The following NEGR1 variants were observed in gnomAD, a reference collection of about 807,000 sequenced individuals.
NEGR1 encodes IgLON family member 4.
Under a neutral mutation model 40.9 loss-of-function variants are expected in NEGR1, and 10 were observed. The observed-to-expected ratio is 0.24, with a 90% confidence interval of 0.15 to 0.42. NEGR1 has a LOEUF of 0.42. Among genes scored for constraint, NEGR1 ranks in the 10% least tolerant of loss-of-function variants. NEGR1 has a pLI of 1.00. For synonymous variants in NEGR1, 185 were observed against 166.8 expected (o/e 1.11, Z -0.84); for missense variants, 352 against 438.9 (o/e 0.80, Z 1.77).
At chr1:72,255,573 G>T (rs1655244198) in intron 1 of NEGR1, among the ~76,000 whole-genome samples, 1 of 135,320 alleles carries the variant, frequency 7.4e-6, no homozygotes. Context: ...TTTTGAGATG[G>T]AGTCTTGCTC....
chr1:71,703,614 C>A (rs868187539), intron 3 of NEGR1, among the ~76,000 whole-genome samples: 7 of 150,988 alleles, frequency 4.6e-5, no homozygotes, highest in African/African-American at 1.7e-4. Flanking sequence ...AATGACACAA[C>A]GTTATTTACA....
At chr1:72,114,427 A>G (rs1268118345) in intron 1 of NEGR1, among the ~76,000 whole-genome samples, 5 of 151,746 alleles carry the variant, frequency 3.3e-5, no homozygotes, top group African/African-American at 1.2e-4. Context: ...ATTCCTTAAA[A>G]TAAATCGTTA....
chr1:71,501,469 C>T (rs1646999126), intron 6 of NEGR1, among the ~76,000 whole-genome samples: 1 of 151,982 alleles, frequency 6.6e-6, no homozygotes, highest in African/African-American at 2.4e-5. Context: ...TTGATTTGTC[C>T]TGAATTGGGA....
At chr1:71,570,640 G>T in intron 6 of NEGR1, among the ~76,000 whole-genome samples, 1 of 103,206 alleles carries the variant, frequency 9.7e-6, no homozygotes, top group African/African-American at 3.5e-5. Context: ...GTTTATACTG[G>T]GTCCTTATTA....
intron 1 of NEGR1, among the ~76,000 whole-genome samples, chr1:72,005,558 A>T (rs775588158): frequency 6.6e-6 from 1 of 152,186 alleles, no homozygotes; most frequent in Non-Finnish European, 1.5e-5. Context: ...ATTTGTATTT[A>T]TTTGACATTT....
chr1:72,152,987 A>T (rs1570048259), intron 1 of NEGR1, among the ~76,000 whole-genome samples: 1 of 151,968 alleles, frequency 6.6e-6, no homozygotes, highest in African/African-American at 2.4e-5. Context: ...ACTGAGAGAA[A>T]GGGAGGTGTG....
chr1:71,770,204 G>A (rs1207931604), intron 3 of NEGR1, among the ~76,000 whole-genome samples: 4 of 152,138 alleles, frequency 2.6e-5, no homozygotes, highest in South Asian at 2.1e-4. Flanking sequence ...AGATCTATGA[G>A]CCTACTTGTA....
At position 71,930,685 on chromosome 1, in the gene NEGR1, T is replaced by C. The variant is rs1645847327; in HGVS notation, c.409+4394A>G. On this transcript the variant is annotated intron_variant, in intron 2 of 6. Transcript: ENST00000357731. ...AGATATGGATCTGATGTTGTCATACTTTAGGATCTTTGTGAAACGAATTCA... is the reference window on the plus strand; with the variant it reads ...AGATATGGATCTGATGTTGTCATACCTTAGGATCTTTGTGAAACGAATTCA... Among the ~76,000 whole-genome samples the C allele has an allele frequency of 2.6e-5, 4 of 152,212 alleles. 1 individual carries two copies. Among genetic ancestry groups the C allele is most frequent in the Admixed American group, 2.6e-4 (4 of 15,270 alleles).
intron 1 of NEGR1, among the ~76,000 whole-genome samples, chr1:72,263,690 G>A (rs1239752303): frequency 6.6e-6 from 1 of 151,394 alleles, no homozygotes; most frequent in African/African-American, 2.4e-5. Flanking sequence ...TTGAATAGTT[G>A]CTGTTCTAAC....
intron 1 of NEGR1, among the ~76,000 whole-genome samples, chr1:72,185,832 C>A (rs1315500572): frequency 6.6e-6 from 1 of 151,542 alleles, no homozygotes; most frequent in African/African-American, 2.4e-5. Context: ...TGTCCCGCAC[C>A]CAATGCAAAT....
At chr1:72,243,201 T>G in intron 1 of NEGR1, among the ~76,000 whole-genome samples, 1 of 151,712 alleles carries the variant, frequency 6.6e-6, no homozygotes, top group East Asian at 1.9e-4. Context: ...TTGTACACCA[T>G]GAAGGTACAC....
chr1:72,080,686 A>G (rs1647957527), intron 1 of NEGR1, among the ~76,000 whole-genome samples: 1 of 152,122 alleles, frequency 6.6e-6, no homozygotes, highest in Non-Finnish European at 1.5e-5. Flanking sequence ...TATACGAGCT[A>G]TGGGCTGCAA....
At chr1:71,953,917 A>T (rs1213587989) in intron 1 of NEGR1, among the ~76,000 whole-genome samples, 1 of 152,038 alleles carries the variant, frequency 6.6e-6, no homozygotes, top group African/African-American at 2.4e-5. Context: ...TAAAAAAAAT[A>T]ATGTGACTTA....
chr1:71,561,944 T>TTA (rs1648473805), intron 6 of NEGR1, among the ~76,000 whole-genome samples: 2 of 150,782 alleles, frequency 1.3e-5, no homozygotes, highest in Non-Finnish European at 3.0e-5. Context: ...TTTTTTTTTT[T>TTA]AAAGAACTTA....
intron 1 of NEGR1, among the ~76,000 whole-genome samples, chr1:72,258,521 G>A (rs961184038): frequency 1.3e-5 from 2 of 151,932 alleles, no homozygotes; most frequent in African/African-American, 2.4e-5. Flanking sequence ...AGACAAAGAA[G>A]AAAAGAAGAA....
chr1:72,084,626 CATG>C (rs1648139508), intron 1 of NEGR1, among the ~76,000 whole-genome samples: 1 of 152,036 alleles, frequency 6.6e-6, no homozygotes. Flanking sequence ...CTGCCTGGAA[CATG>C]ATATTTGCTT....
chr1:72,250,274 C>A (rs1256694689), intron 1 of NEGR1, among the ~76,000 whole-genome samples: 1 of 152,092 alleles, frequency 6.6e-6, no homozygotes, highest in African/African-American at 2.4e-5. Flanking sequence ...ACAGCACCCC[C>A]CAAGCCCCAC....
chr1:71,859,972 C>T (rs968630407), intron 2 of NEGR1, among the ~76,000 whole-genome samples: 1 of 151,984 alleles, frequency 6.6e-6, no homozygotes, highest in Non-Finnish European at 1.5e-5. Flanking sequence ...GGACCATCTG[C>T]CATACTCACA....
chr1:71,400,405 A>ACTGTTTTG lies in NEGR1; in HGVS notation c.*7040_*7041insCAAAACAG, dbSNP rs1646238993. 1 of 152,138 alleles carries ACTGTTTTG rather than the reference A, an allele frequency of 6.6e-6. No homozygotes were observed. Among genetic ancestry groups the ACTGTTTTG allele is most frequent in the Admixed American group, 6.6e-5 (1 of 15,258 alleles). 9.4% of individuals were successfully genotyped at this position (152,138 alleles called of 1,614,324 possible). A position where few individuals can be genotyped will look rare whatever the true frequency, so the allele number is the denominator to read the frequency against. On this transcript the variant is annotated 3_prime_UTR_variant, in exon 7 of 7. Coordinates refer to ENST00000357731, the MANE Select transcript of NEGR1 (RefSeq NM_173808.3). ...ATTTTTCTTACTGTTTTTGATATAA[A>ACTGTTTTG]ATTCCTGTTATACCATGAATTAAAT...
Sources: gnomAD v4.1 joint callset for allele counts (sites outside exome capture counted in the v4.1 genomes callset) on GRCh38, gnomAD v4.1.1 for gene constraint, MANE v1.5 for transcripts, NCBI Gene and HGNC (gene_info 2026-07-23, HGNC 2026-07-21) for gene names.